Variants in PRMT3 observed in about 807,000 individuals in gnomAD.
The protein encoded by PRMT3 is protein arginine N-methyltransferase 3.
PRMT3 carries 62 observed loss-of-function variants against 71.9 expected under a neutral mutation model. That is an observed-to-expected ratio of 0.86 (90% CI 0.70 to 1.07). PRMT3 has a LOEUF of 1.07. Among genes scored for constraint, PRMT3 ranks in the 50% least tolerant of loss-of-function variants. The pLI, the probability that PRMT3 is intolerant of heterozygous loss-of-function variation, is 0.00. For missense variants in PRMT3, 663 were observed against 643.0 expected (o/e 1.03, Z -0.34); for synonymous variants, 213 against 220.4 (o/e 0.97, Z 0.30).
chr11:20,420,513 A>G lies in PRMT3; in HGVS notation c.894-6253A>G, dbSNP rs1370720320. Among the ~76,000 whole-genome samples the G allele has an allele frequency of 2.0e-5, 3 of 152,278 alleles. No individual in the cohort carries two copies. In the East Asian group the frequency reaches 5.8e-4, roughly 29 times the overall value. On this transcript the variant is annotated intron_variant, in intron 9 of 15. Coordinates refer to ENST00000331079, the MANE Select transcript of PRMT3 (RefSeq NM_005788.4). ...AATCGTCTGAGCGCCACCTCCTGTC[A>G]GATCAGTGGGGGCAATACATTTTCA...
intron 11 of PRMT3, among the ~76,000 whole-genome samples, chr11:20,453,147 C>G (rs1380659903): frequency 1.3e-5 from 2 of 151,950 alleles, no homozygotes; most frequent in East Asian, 3.9e-4. Flanking sequence ...CTCCTACCAT[C>G]CATGTTCTAT....
chr11:20,486,349 C>T (rs754602565), intron 13 of PRMT3, among the ~76,000 whole-genome samples: 1 of 151,994 alleles, frequency 6.6e-6, no homozygotes, highest in Non-Finnish European at 1.5e-5. Context: ...GAAGAGAAAC[C>T]CACACCTAGA....
chr11:20,395,341 A>T (rs1848801189), intron 5 of PRMT3, among the ~76,000 whole-genome samples: 1 of 151,152 alleles, frequency 6.6e-6, no homozygotes, highest in South Asian at 2.1e-4. Flanking sequence ...ATAAATATTT[A>T]TTATTATTAT....
intron 13 of PRMT3, among the ~76,000 whole-genome samples, chr11:20,490,786 G>T (rs894075869): frequency 7.1e-6 from 1 of 141,056 alleles, no homozygotes; most frequent in African/African-American, 2.7e-5. Context: ...AAAACAAAAG[G>T]ATGTTTTAGA....
At chr11:20,466,529 A>G (rs1396744143) in intron 13 of PRMT3, among the ~76,000 whole-genome samples, 2 of 152,096 alleles carry the variant, frequency 1.3e-5, no homozygotes, top group Non-Finnish European at 2.9e-5. Context: ...AATCTAGGTC[A>G]TGTGGGGCCC....
chr11:20,481,717 C>A (rs1252778098), intron 13 of PRMT3, among the ~76,000 whole-genome samples: 6 of 152,038 alleles, frequency 3.9e-5, no homozygotes, highest in African/African-American at 1.4e-4. Flanking sequence ...CTGTCTAGTT[C>A]TAATATTTTC....
At chr11:20,475,803 C>T (rs544550590) in intron 13 of PRMT3, among the ~76,000 whole-genome samples, 4 of 151,368 alleles carry the variant, frequency 2.6e-5, no homozygotes, top group East Asian at 2.0e-4. Flanking sequence ...TACAGGCAGA[C>T]GCCACCACGC....
chr11:20,422,809 A>G (rs1849456692), intron 9 of PRMT3, among the ~76,000 whole-genome samples: 2 of 152,200 alleles, frequency 1.3e-5, no homozygotes, highest in African/African-American at 4.8e-5. Context: ...TATTACCAAG[A>G]GAGATTACCC....
intron 11 of PRMT3, among the ~76,000 whole-genome samples, chr11:20,458,556 C>A (rs1046712779): frequency 6.6e-6 from 1 of 152,148 alleles, no homozygotes. Flanking sequence ...TAGCTTCTAT[C>A]TGACAAAAAT....
At chr11:20,440,872 T>C (rs1849878480) in intron 10 of PRMT3, among the ~76,000 whole-genome samples, 1 of 152,194 alleles carries the variant, frequency 6.6e-6, no homozygotes, top group African/African-American at 2.4e-5. Context: ...TTTCGTCCTT[T>C]TAACAGAGTC....
intron 13 of PRMT3, among the ~76,000 whole-genome samples, chr11:20,472,795 A>G (rs1403297260): frequency 7.3e-6 from 1 of 136,632 alleles, no homozygotes; most frequent in Admixed American, 8.5e-5. Flanking sequence ...TAAAAGTGGT[A>G]CCAGCTCCTC....
intron 9 of PRMT3, among the ~76,000 whole-genome samples, chr11:20,413,107 T>C (rs531168327): frequency 6.6e-6 from 1 of 152,316 alleles, no homozygotes; most frequent in South Asian, 2.1e-4. Context: ...GCCTTTTTGT[T>C]TTGGATAAGC....
At chr11:20,479,071 A>C (rs1202886268) in intron 13 of PRMT3, among the ~76,000 whole-genome samples, 1 of 152,204 alleles carries the variant, frequency 6.6e-6, no homozygotes, top group East Asian at 1.9e-4. Flanking sequence ...AATAGGCTTC[A>C]TTAAGTAAAT....
At chr11:20,400,061 T>A (rs1436922396) in intron 7 of PRMT3, among the ~76,000 whole-genome samples, 1 of 152,220 alleles carries the variant, frequency 6.6e-6, no homozygotes, top group South Asian at 2.1e-4. Context: ...TGGATGAATG[T>A]GAAGCATGCC....
At chr11:20,501,188 T>A (rs1033152263) in intron 15 of PRMT3, among the ~76,000 whole-genome samples, 3 of 152,196 alleles carry the variant, frequency 2.0e-5, no homozygotes, top group Admixed American at 1.3e-4. Context: ...CCTTTCTTGA[T>A]TCCCCAGATA....
intron 13 of PRMT3, among the ~76,000 whole-genome samples, chr11:20,465,262 A>G (rs1850485452): frequency 6.6e-6 from 1 of 152,012 alleles, no homozygotes; most frequent in Admixed American, 6.6e-5. Flanking sequence ...ATAAATGTTT[A>G]TTTTTTTAAG....
intron 10 of PRMT3, among the ~76,000 whole-genome samples, chr11:20,449,225 A>G (rs1230595066): frequency 6.6e-6 from 1 of 152,188 alleles, no homozygotes; most frequent in Non-Finnish European, 1.5e-5. Context: ...TATATATGCT[A>G]GTATTTGCAT....
At chr11:20,398,537 C>G (rs1269660301) in intron 7 of PRMT3, among the ~76,000 whole-genome samples, 7 of 152,162 alleles carry the variant, frequency 4.6e-5, no homozygotes, top group Non-Finnish European at 5.9e-5. Flanking sequence ...ACTGCAAGCT[C>G]CGCCTCTCAG....
At chr11:20,465,134 A>T (rs942337876) in intron 13 of PRMT3, among the ~76,000 whole-genome samples, 1 of 152,244 alleles carries the variant, frequency 6.6e-6, no homozygotes, top group African/African-American at 2.4e-5. Context: ...AAAAATGGGG[A>T]TAATTCTGTT....
Sources: allele counts gnomAD v4.1 joint callset (sites outside exome capture counted in the v4.1 genomes callset), GRCh38; gene constraint gnomAD v4.1.1; transcripts MANE v1.5; gene names NCBI Gene and HGNC (gene_info 2026-07-23, HGNC 2026-07-21).